Variants in CUX2 observed in about 807,000 individuals in gnomAD.
CUX2 encodes cut like homeobox 2, also known as homeobox protein cut-like 2.
A neutral mutation model predicts 144.8 loss-of-function variants in CUX2; 40 were observed. That is an observed-to-expected ratio of 0.28 (90% CI 0.21 to 0.36). CUX2 has a LOEUF of 0.36. CUX2 is among the 10% of genes least tolerant of loss of function. The pLI is 1.00. For synonymous variants in CUX2, 827 were observed against 875.6 expected (o/e 0.94, Z 0.98); for missense variants, 1,615 against 1,994.0 (o/e 0.81, Z 3.62).
chr12:111,282,988 G>A (rs1269542922), intron 4 of CUX2, among the ~76,000 whole-genome samples: 3 of 151,892 alleles, frequency 2.0e-5, no homozygotes, highest in Non-Finnish European at 2.9e-5. Flanking sequence ...CGAGACAGGC[G>A]GATCACTTGA....
intron 1 of CUX2, among the ~76,000 whole-genome samples, chr12:111,208,243 G>A (rs1367095678): frequency 6.6e-6 from 1 of 151,898 alleles, no homozygotes; most frequent in Non-Finnish European, 1.5e-5. Context: ...GGTGGCCTTA[G>A]GGGGATATGT....
chr12:111,292,362 C>T (rs1440431265), intron 5 of CUX2, among the ~76,000 whole-genome samples: 2 of 152,124 alleles, frequency 1.3e-5, no homozygotes, highest in African/African-American at 4.8e-5. Flanking sequence ...GAGGCCAAGG[C>T]GGGTGGATCA....
chr12:111,209,209 G>T (rs1299404124), intron 1 of CUX2, among the ~76,000 whole-genome samples: 2 of 151,996 alleles, frequency 1.3e-5, no homozygotes, highest in Non-Finnish European at 1.5e-5. Context: ...ACCAACCTGG[G>T]CAACATGGCG....
At chr12:111,252,271 C>G (rs1241150240) in intron 3 of CUX2, among the ~76,000 whole-genome samples, 1 of 152,218 alleles carries the variant, frequency 6.6e-6, no homozygotes, top group Non-Finnish European at 1.5e-5. Context: ...GAGCCTTCGG[C>G]CCATAGCCCA....
intron 1 of CUX2, among the ~76,000 whole-genome samples, chr12:111,084,751 G>A (rs1222401689): frequency 6.6e-6 from 1 of 152,236 alleles, no homozygotes; most frequent in Non-Finnish European, 1.5e-5. Flanking sequence ...GGCTGTGAAA[G>A]CTTTGCGGCA....
At position 111,277,635 on chromosome 12, in the gene CUX2, G is replaced by T. The variant is rs1169522127; in HGVS notation, c.302-13783G>T. ...CATTCCCTCTAGAGTGTCAGCCCCAGGAGGGCAGGAATTTTCTATCATTTC... is the reference window on the plus strand; with the variant it reads ...CATTCCCTCTAGAGTGTCAGCCCCATGAGGGCAGGAATTTTCTATCATTTC... On this transcript the variant is annotated intron_variant, in intron 4 of 21. Coordinates refer to ENST00000261726, the MANE Select transcript of CUX2 (RefSeq NM_015267.4). This position sits in a 1 kb window ranked among gnomAD's most constrained non-coding sequence, Gnocchi z 5.0. 3.9e-5 allele frequency among the ~76,000 whole-genome samples: 6 copies of T among 152,084 alleles called. No homozygotes were observed. Among genetic ancestry groups the T allele is most frequent in the Non-Finnish European group, 1.5e-5 (1 of 68,030 alleles).
chr12:111,165,790 A>G (rs1051637735), intron 1 of CUX2, among the ~76,000 whole-genome samples: 52 of 152,212 alleles, frequency 3.4e-4, no homozygotes, highest in Non-Finnish European at 6.6e-4. Flanking sequence ...GAAAATGTAC[A>G]CCATGGAAAT....
intron 21 of CUX2, among the ~76,000 whole-genome samples, chr12:111,344,094 G>A (rs1888693205): frequency 6.6e-6 from 1 of 152,150 alleles, no homozygotes; most frequent in African/African-American, 2.4e-5. Flanking sequence ...TTATCATCTG[G>A]CTCAGAGCAG....
chr12:111,314,108 A>G (rs1887051363), intron 16 of CUX2, among the ~76,000 whole-genome samples: 1 of 152,192 alleles, frequency 6.6e-6, no homozygotes, highest in South Asian at 2.1e-4. Context: ...AAATCCCCTG[A>G]GCCTAATTTC....
intron 1 of CUX2, among the ~76,000 whole-genome samples, chr12:111,100,792 T>C (rs1873180497): frequency 6.6e-6 from 1 of 152,132 alleles, no homozygotes; most frequent in Non-Finnish European, 1.5e-5. Context: ...CCTGTGTGAG[T>C]ATGTATGTGA....
chr12:111,124,203 G>A (rs1484433330), intron 1 of CUX2, among the ~76,000 whole-genome samples: 2 of 152,136 alleles, frequency 1.3e-5, no homozygotes, highest in African/African-American at 4.8e-5. Flanking sequence ...ATGGATGAAA[G>A]GCAAATTCAT....
chr12:111,340,997 C>T (rs983472808), intron 20 of CUX2, among the ~76,000 whole-genome samples: 9 of 152,176 alleles, frequency 5.9e-5, no homozygotes, highest in Non-Finnish European at 1.3e-4. Flanking sequence ...CTCCTTTGTT[C>T]GGTGTACTCT....
intron 1 of CUX2, among the ~76,000 whole-genome samples, chr12:111,177,486 G>C (rs1462380358): frequency 6.6e-6 from 1 of 152,096 alleles, no homozygotes; most frequent in Non-Finnish European, 1.5e-5. Flanking sequence ...TACCTTCCAG[G>C]CTCAAGCAAT....
In CUX2 at chr12:111,295,402, A is replaced by G. The variant is rs1162847157; in HGVS notation, c.630A>G (p.Leu210=). The change falls in exon 7 of 22, where the codon CTA becomes CTG. Residue 210 remains leucine (L), a synonymous_variant. Coordinates refer to ENST00000261726, the MANE Select transcript of CUX2 (RefSeq NM_015267.4). The surrounding 1 kb of genome is among the most constrained non-coding windows in gnomAD (Gnocchi z 5.0). ...LGEAEEKIKV[L]HSALKATQAE... is the part of the protein sequence containing the mutation. ...AGGCAGAGGAGAAAATCAAAGTCCT[A>G]CATTCAGGTATGTGTCGGCACCATG... 1 of 1,612,102 alleles carries G rather than the reference A, an allele frequency of 6.2e-7. No homozygotes were observed. The highest frequency in any genetic ancestry group is 8.5e-7 in the Non-Finnish European group (1 of 1,179,154).
At chr12:111,238,410 C>A (rs899879167) in intron 3 of CUX2, among the ~76,000 whole-genome samples, 2 of 152,186 alleles carry the variant, frequency 1.3e-5, no homozygotes, top group Admixed American at 6.5e-5. Flanking sequence ...ATGTTCCAGA[C>A]AACACTCTAG....
In CUX2 at chr12:111,334,544, G is replaced by A; in HGVS notation, c.3030G>A (p.Lys1010=). ...TGAGCCTGTCCCTGGAGAGCAGCAA[G>A]GAGAACCAGCAGCCAGAGGGCCGCT... The part of the protein sequence containing the change: ...EPLSLSLESS[K]ENQQPEGRSS... The change falls in exon 19 of 22, where the codon AAG becomes AAA. Residue 1010 remains lysine, a synonymous_variant. Coordinates refer to ENST00000261726, the MANE Select transcript of CUX2 (RefSeq NM_015267.4). The A allele has an allele frequency of 6.2e-7, 1 of 1,614,000 alleles. No individual in the cohort carries two copies. Among genetic ancestry groups the A allele is most frequent in the Non-Finnish European group, 8.5e-7 (1 of 1,180,000 alleles).
chr12:111,269,952 G>A (rs1023538459), intron 4 of CUX2, among the ~76,000 whole-genome samples: 7 of 152,184 alleles, frequency 4.6e-5, no homozygotes, highest in African/African-American at 1.7e-4. Flanking sequence ...TGATGGAGAC[G>A]TACCATACGA....
chr12:111,150,790 G>A (rs1280868618), intron 1 of CUX2, among the ~76,000 whole-genome samples: 1 of 152,096 alleles, frequency 6.6e-6, no homozygotes, highest in African/African-American at 2.4e-5. Context: ...AGGCCAGGGA[G>A]GAAAATTAGA....
intron 3 of CUX2, among the ~76,000 whole-genome samples, chr12:111,229,498 G>A (rs1384766345): frequency 6.6e-6 from 1 of 152,166 alleles, no homozygotes; most frequent in East Asian, 1.9e-4. Context: ...GCCCAGGTCA[G>A]GTCACTTTCC....
Sources: allele counts gnomAD v4.1 joint callset (sites outside exome capture counted in the v4.1 genomes callset), GRCh38; gene constraint gnomAD v4.1.1; non-coding constraint Gnocchi (gnomAD v3.1); transcripts MANE v1.5; gene names NCBI Gene and HGNC (gene_info 2026-07-23, HGNC 2026-07-21).